The following IRAG1 variants were observed in gnomAD, a reference collection of about 807,000 sequenced individuals.
IRAG1 encodes inositol 1,4,5-triphosphate receptor associated 1, also known as IP3R-associated cGMP kinase substrate.
In IRAG1, 62 loss-of-function variants were observed where a neutral mutation model predicts 106.2. The observed-to-expected ratio is 0.58, with a 90% CI of 0.48 to 0.72. The LOEUF is 0.72. Among genes scored for constraint, IRAG1 ranks in the 30% least tolerant of loss-of-function variants. The pLI is 0.00. For synonymous variants in IRAG1, 462 were observed against 443.9 expected (o/e 1.04, Z -0.51); for missense variants, 1,064 against 1,140.7 (o/e 0.93, Z 0.97).
chr11:10,677,210 G>A (rs574254256), intron 1 of IRAG1, among the ~76,000 whole-genome samples: 21 of 152,182 alleles, frequency 1.4e-4, no homozygotes, highest in African/African-American at 4.6e-4. Flanking sequence ...CTTTTCCTGG[G>A]AAGTTCCTCA....
At chr11:10,611,190 A>G (rs1854928306) in intron 10 of IRAG1, among the ~76,000 whole-genome samples, 1 of 152,220 alleles carries the variant, frequency 6.6e-6, no homozygotes, top group South Asian at 2.1e-4. Context: ...AAGCTGGAGG[A>G]TCATCTGTCA....
intron 12 of IRAG1, 28 bp downstream of exon 12, chr11:10,606,714 A>C (rs751984799): frequency 1.9e-6 from 3 of 1,586,816 alleles, no homozygotes; most frequent in South Asian, 1.2e-5. Flanking sequence ...ACGGGCACTA[A>C]ATTTCATAAC....
Position 10,652,142 on chromosome 11 carries a change from G to A in IRAG1, c.108C>T (p.Asp36=), listed in dbSNP as rs374994607. The A allele has an allele frequency of 3.0e-5, 48 of 1,613,346 alleles. No homozygotes were observed. Among genetic ancestry groups the A allele is most frequent in the Middle Eastern group, 3.3e-4 (2 of 6,082 alleles). ...AQASWSIFGA[D]AAEVPGTRGH... ...CACGTGTGCCCGGAACCTCCGCTGC[G>A]TCAGCCCCAAAGATGCTCCAAGAGG... Residue 36 remains aspartate (D), a synonymous_variant, in exon 2 of 21, where the codon GAC becomes GAT. Coordinates refer to ENST00000423302, the MANE Select transcript of IRAG1 (RefSeq NM_130385.4).
intron 10 of IRAG1, among the ~76,000 whole-genome samples, chr11:10,614,170 G>A (rs757467735): frequency 2.6e-5 from 4 of 151,982 alleles, no homozygotes; most frequent in Non-Finnish European, 4.4e-5. Context: ...CACCACTTCT[G>A]CCTTCTGACC....
intron 1 of IRAG1, among the ~76,000 whole-genome samples, chr11:10,692,637 T>TGGC (rs1310761168): frequency 1.3e-5 from 2 of 152,166 alleles, no homozygotes; most frequent in East Asian, 3.9e-4. Context: ...CCAGATTTAC[T>TGGC]TCCCTGTGCC....
chr11:10,693,683 T>C lies in IRAG1; in HGVS notation c.-81A>G. On this transcript the variant is annotated 5_prime_UTR_variant, in exon 1 of 21. Transcript: ENST00000423302. The stretch of plus-strand genomic sequence containing the variant: ...CAGAACCTCGGCCGCACGCCTCCTC[T>C]GAGAGGGGCTGGGACTTAGAGCCGA... The C allele has an allele frequency of 6.8e-7, 1 of 1,467,530 alleles. No homozygotes were observed. The highest frequency in any genetic ancestry group is 9.2e-7 in the Non-Finnish European group (1 of 1,088,282). 90.9% of individuals were successfully genotyped at this position (1,467,530 alleles called of 1,614,324 possible). A position where few individuals can be genotyped will look rare whatever the true frequency, so the allele number is the denominator to read the frequency against.
chr11:10,629,666 T>G lies in IRAG1; in HGVS notation c.446A>C (p.Asp149Ala), dbSNP rs777451424. 6.2e-7 allele frequency: 1 copy of G among 1,613,908 alleles called. No individual in the cohort carries two copies. Among genetic ancestry groups the G allele is most frequent in the Admixed American group, 1.7e-5 (1 of 60,008 alleles). The change falls in exon 5 of 21, where the codon GAC becomes GCC. Residue 149 changes from aspartate to alanine, a missense_variant. By Grantham distance (126) the Asp-to-Ala change is moderately radical (BLOSUM62 -2). Transcript: ENST00000423302. Reference protein sequence around the residue: ...IIDLVNDQLPDISISEEDKKK... With the variant: ...IIDLVNDQLPAISISEEDKKK... ...CTTGTCCTCCTCTGAGATGCTGATG[T>G]CTGGCAGCTGGTCATTCACCAGGTC...
At chr11:10,668,297 A>C (rs763501146) in intron 1 of IRAG1, among the ~76,000 whole-genome samples, 1 of 152,256 alleles carries the variant, frequency 6.6e-6, no homozygotes, top group Non-Finnish European at 1.5e-5. Flanking sequence ...ACAAATTATT[A>C]TGAAAAATAT....
intron 9 of IRAG1, among the ~76,000 whole-genome samples, chr11:10,624,850 A>G (rs561838141): frequency 4.4e-4 from 67 of 152,078 alleles, no homozygotes; most frequent in Admixed American, 1.2e-3. Context: ...GAGTGTAGGG[A>G]GTGAGGAGGC....
At chr11:10,613,602 G>C (rs988025685) in intron 10 of IRAG1, among the ~76,000 whole-genome samples, 1 of 152,170 alleles carries the variant, frequency 6.6e-6, no homozygotes, top group Non-Finnish European at 1.5e-5. Context: ...TAAGTCTAAG[G>C]CTAAATAACT....
At chr11:10,606,199 CAGAATGA>C (rs1854462147) in intron 12 of IRAG1, among the ~76,000 whole-genome samples, 2 of 152,284 alleles carry the variant, frequency 1.3e-5, no homozygotes, top group South Asian at 4.1e-4. Context: ...TTGTCCGCTA[CAGAATGA>C]AATGCAGATT....
Position 10,659,708 on chromosome 11 carries a change from C to CT in IRAG1, c.68-7527dup, listed in dbSNP as rs1374566497. Among the ~76,000 whole-genome samples the CT allele has an allele frequency of 2.0e-5, 3 of 152,220 alleles. No homozygotes were observed. Among genetic ancestry groups the CT allele is most frequent in the Admixed American group, 6.5e-5 (1 of 15,302 alleles). ...TTCCAGCTTGTTCACTTCAGGAATT[C>CT]TTTTTTTAAAAATAGGTCCACTTGA... On this transcript the variant is annotated intron_variant, in intron 1 of 20. Coordinates refer to ENST00000423302, the MANE Select transcript of IRAG1 (RefSeq NM_130385.4). This position sits in a 1 kb window ranked among gnomAD's most constrained non-coding sequence, Gnocchi z 4.1.
intron 1 of IRAG1, 125 bp from the exon 2 acceptor site, chr11:10,652,307 ACC>A: frequency 6.7e-7 from 1 of 1,502,662 alleles, no homozygotes; most frequent in Non-Finnish European, 8.9e-7. Flanking sequence ...CGGAGGTCAA[ACC>A]AGGCTAGGAG....
At chr11:10,610,222 C>A (rs1190460540) in intron 10 of IRAG1, among the ~76,000 whole-genome samples, 1 of 152,228 alleles carries the variant, frequency 6.6e-6, no homozygotes, top group Admixed American at 6.5e-5. Context: ...TGCTCCTTGG[C>A]AGGCTTCTCA....
At chr11:10,645,797 C>T (rs1043074738) in intron 2 of IRAG1, among the ~76,000 whole-genome samples, 5 of 152,182 alleles carry the variant, frequency 3.3e-5, no homozygotes, top group Non-Finnish European at 7.3e-5. Context: ...TCACCCACTG[C>T]ACATTACTTT....
rs143827867 is a variant in IRAG1, at chr11:10,677,956, A to C, written c.67+15580T>G. Among the ~76,000 whole-genome samples, 505 of 152,354 alleles carry C rather than the reference A, an allele frequency of 3.3e-3. 2 individuals are homozygous for C. Among genetic ancestry groups the C allele is most frequent in the Non-Finnish European group, 3.9e-3 (267 of 68,044 alleles). The stretch of plus-strand genomic sequence containing the variant: ...TATCCACATGGTAGCATGTATCCAT[A>C]CTTCATTCCTTTTTATGGCTGAATA... On this transcript the variant is annotated intron_variant, in intron 1 of 20. Coordinates refer to ENST00000423302, the MANE Select transcript of IRAG1 (RefSeq NM_130385.4).
intron 2 of IRAG1, among the ~76,000 whole-genome samples, chr11:10,635,496 C>T (rs1045059440): frequency 6.6e-6 from 1 of 152,222 alleles, no homozygotes; most frequent in Non-Finnish European, 1.5e-5. Flanking sequence ...GAAATGTTTT[C>T]ACCTCCACTA....
chr11:10,640,929 A>G (rs1857464562), intron 2 of IRAG1, among the ~76,000 whole-genome samples: 3 of 152,240 alleles, frequency 2.0e-5, no homozygotes. Context: ...ACAAGTTGAT[A>G]TAGAAATAGG....
intron 10 of IRAG1, among the ~76,000 whole-genome samples, chr11:10,613,492 T>C (rs1257599916): frequency 1.3e-5 from 2 of 152,222 alleles, no homozygotes; most frequent in African/African-American, 2.4e-5. Context: ...CTCTGAACTC[T>C]TTCAGGAAAA....
Sources: allele counts gnomAD v4.1 joint callset (sites outside exome capture counted in the v4.1 genomes callset), GRCh38; gene constraint gnomAD v4.1.1; non-coding constraint Gnocchi (gnomAD v3.1); transcripts MANE v1.5; gene names NCBI Gene and HGNC (gene_info 2026-07-23, HGNC 2026-07-21).